Variants in DMD observed in about 807,000 individuals in gnomAD.
The protein encoded by DMD is mutant dystrophin.
A neutral mutation model predicts 330.1 loss-of-function variants in DMD; 63 were observed. The observed-to-expected ratio is 0.19, with a 90% CI of 0.16 to 0.24. The LOEUF (loss-of-function observed/expected upper bound fraction) is 0.24, where lower values mean the gene tolerates loss of function less well. DMD is among the 10% of genes least tolerant of loss of function. The pLI, the probability that DMD is intolerant of heterozygous loss-of-function variation, is 1.00. For synonymous variants in DMD, 1,223 were observed against 959.8 expected (o/e 1.27, Z -5.07); for missense variants, 3,344 against 2,684.1 (o/e 1.25, Z -5.43).
rs2067071333 is a variant in DMD at position 32,727,859 on chromosome X, C to A, written c.650-28566G>T. Among the ~76,000 whole-genome samples the A allele has an allele frequency of 2.7e-5, 3 of 110,807 alleles. No individual in the cohort carries two copies. In the South Asian group the frequency reaches 1.1e-3, roughly 41 times the overall value. On this transcript the variant is annotated intron_variant, in intron 7 of 78. Coordinates refer to ENST00000357033, the MANE Select transcript of DMD (RefSeq NM_004006.3). ...CATGATTACTAGAAAATGTACCACA[C>A]AAAACTCTGATCACTCTGATCATAC...
chrX:32,432,845 A>G (rs1603633365), intron 29 of DMD, among the ~76,000 whole-genome samples: 1 of 112,427 alleles, frequency 8.9e-6, no homozygotes, highest in East Asian at 2.8e-4. Context: ...CACTGAGGGA[A>G]AAATTCAAAG....
At chrX:31,191,087 C>A (rs749788648) in intron 67 of DMD, among the ~76,000 whole-genome samples, 1 of 111,895 alleles carries the variant, frequency 8.9e-6, no homozygotes. Flanking sequence ...ACTGACAACT[C>A]TATGCAGTGT....
At chrX:32,317,361 T>A (rs1381125186) in intron 41 of DMD, among the ~76,000 whole-genome samples, 18 of 111,458 alleles carry the variant, frequency 1.6e-4, no homozygotes, top group African/African-American at 3.9e-4. Context: ...CAATTATGAT[T>A]TGTATGATCT....
intron 54 of DMD, 110 bp from the exon 55 acceptor site, chrX:31,627,972 T>A: frequency 2.8e-6 from 2 of 702,210 alleles, no homozygotes; most frequent in Non-Finnish European, 4.4e-6. Context: ...ATACCAACAA[T>A]GGGGTGAGTT....
intron 60 of DMD, among the ~76,000 whole-genome samples, chrX:31,429,109 G>A (rs2063885244): frequency 3.0e-5 from 3 of 99,685 alleles, no homozygotes; most frequent in African/African-American, 1.2e-4. Flanking sequence ...GCGACAGATT[G>A]AGACTCCATC....
intron 55 of DMD, among the ~76,000 whole-genome samples, chrX:31,535,000 A>G (rs1281162129): frequency 1.4e-5 from 1 of 72,612 alleles, no homozygotes; most frequent in African/African-American, 5.4e-5. Context: ...ACACAAACAA[A>G]TGGAAGAATA....
chrX:31,365,875 T>A (rs1292044376), intron 60 of DMD, among the ~76,000 whole-genome samples: 1 of 112,697 alleles, frequency 8.9e-6, no homozygotes, highest in East Asian at 2.8e-4. Flanking sequence ...ACCAATTAAA[T>A]CCTTGTCTGG....
At chrX:31,715,600 C>T (rs1262476099) in intron 52 of DMD, among the ~76,000 whole-genome samples, 2 of 108,998 alleles carry the variant, frequency 1.8e-5, no homozygotes, top group Non-Finnish European at 3.8e-5. Flanking sequence ...TTCCATTTTG[C>T]TCAAATCAGC....
intron 17 of DMD, among the ~76,000 whole-genome samples, chrX:32,527,081 T>G (rs2046999208): frequency 1.8e-5 from 2 of 111,741 alleles, no homozygotes; most frequent in South Asian, 7.5e-4. Context: ...CATGTAGAAT[T>G]TCATAAAAAC....
intron 44 of DMD, among the ~76,000 whole-genome samples, chrX:32,187,129 A>G (rs1271863534): frequency 9.0e-6 from 1 of 111,545 alleles, no homozygotes; most frequent in Non-Finnish European, 1.9e-5. Flanking sequence ...TTACAAATCA[A>G]TATTTTAGAC....
At chrX:32,226,623 C>A (rs1395316120) in intron 43 of DMD, among the ~76,000 whole-genome samples, 1 of 111,115 alleles carries the variant, frequency 9.0e-6, no homozygotes, top group Non-Finnish European at 1.9e-5. Flanking sequence ...TGAGTAATTT[C>A]ACAAACCCCT....
rs144623958 is a variant in DMD at position 32,170,675 on chromosome X, A to G, written c.6438+46241T>C. Among the ~76,000 whole-genome samples the G allele has an allele frequency of 1.1e-3, 123 of 109,234 alleles. 1 individual carries two copies. The East Asian group carries it at 0.033, about 29-fold the overall frequency. The allele number at this position is 109,234 out of a possible 115,157, so 94.9% of individuals were successfully genotyped here. A position where few individuals can be genotyped will look rare whatever the true frequency, so the allele number is the denominator to read the frequency against. The stretch of plus-strand genomic sequence containing the variant: ...CCTTCTTCCAGACCAGTGTTTCCCA[A>G]CCTCACCACAACTGACATTTTGGAC... On this transcript the variant is annotated intron_variant, in intron 44 of 78. Transcript: ENST00000357033.
chrX:31,185,539 C>G (rs757844110), intron 67 of DMD, among the ~76,000 whole-genome samples: 15 of 112,104 alleles, frequency 1.3e-4, no homozygotes, highest in African/African-American at 4.2e-4. Flanking sequence ...AGAAATACTA[C>G]TTGGTCATTT....
chrX:32,608,435 C>A (rs2056909305), intron 12 of DMD, among the ~76,000 whole-genome samples: 1 of 109,910 alleles, frequency 9.1e-6, no homozygotes, highest in African/African-American at 3.3e-5. Flanking sequence ...ATTTCATAGT[C>A]AATGGTTTAG....
intron 44 of DMD, among the ~76,000 whole-genome samples, chrX:32,002,163 T>C (rs988866685): frequency 8.9e-6 from 1 of 111,774 alleles, no homozygotes; most frequent in Admixed American, 9.5e-5. Context: ...CTGTTGCCTC[T>C]ATGGTGTCTT....
intron 44 of DMD, among the ~76,000 whole-genome samples, chrX:32,190,606 G>C (rs1010817576): frequency 6.1e-4 from 51 of 83,402 alleles, no homozygotes; most frequent in African/African-American, 2.3e-3. Flanking sequence ...GATTTTTATG[G>C]TGGTGCTTTT....
intron 62 of DMD, among the ~76,000 whole-genome samples, chrX:31,291,794 C>G (rs1422875428): frequency 2.7e-5 from 3 of 110,814 alleles, no homozygotes; most frequent in African/African-American, 6.6e-5. Flanking sequence ...CAAACCTTGA[C>G]AAGAATGGCA....
chrX:33,336,475 G>A (rs1005615258), intron 1 of DMD, among the ~76,000 whole-genome samples: 1 of 108,916 alleles, frequency 9.2e-6, no homozygotes, highest in African/African-American at 3.4e-5. Flanking sequence ...GCTCATGTGG[G>A]AAATTTCACT....
chrX:32,068,549 T>A (rs1018328926), intron 44 of DMD, among the ~76,000 whole-genome samples: 2 of 110,486 alleles, frequency 1.8e-5, no homozygotes, highest in Non-Finnish European at 3.8e-5. Context: ...GTTGACTTTG[T>A]CGACGAACAG....
Sources: allele counts gnomAD v4.1 joint callset (sites outside exome capture counted in the v4.1 genomes callset), GRCh38; gene constraint gnomAD v4.1.1; transcripts MANE v1.5; gene names NCBI Gene and HGNC (gene_info 2026-07-23, HGNC 2026-07-21).